Variants in ANKS1B observed in about 807,000 individuals in gnomAD.
ANKS1B encodes ankyrin repeat and sterile alpha motif domain-containing protein 1B.
In ANKS1B, 36 loss-of-function variants were observed where a neutral mutation model predicts 148.3. That is an observed-to-expected ratio of 0.24 (90% CI 0.19 to 0.32). The LOEUF (loss-of-function observed/expected upper bound fraction) is 0.32. Among genes scored for constraint, ANKS1B ranks in the 10% least tolerant of loss-of-function variants. The pLI is 1.00. For synonymous variants in ANKS1B, 542 were observed against 560.8 expected (o/e 0.97, Z 0.47); for missense variants, 1,157 against 1,542.6 (o/e 0.75, Z 4.19).
chr12:99,782,715 T>C (rs1283892548), intron 4 of ANKS1B, among the ~76,000 whole-genome samples: 1 of 152,226 alleles, frequency 6.6e-6, no homozygotes, highest in Non-Finnish European at 1.5e-5. Context: ...CATGCATTTA[T>C]TAAACACCAA....
At chr12:99,500,074 G>A (rs1477919293) in intron 10 of ANKS1B, among the ~76,000 whole-genome samples, 2 of 152,130 alleles carry the variant, frequency 1.3e-5, no homozygotes, top group African/African-American at 2.4e-5. Context: ...ACTGTAAGCT[G>A]AAAGAAAGTT....
At chr12:99,218,712 C>A (rs1430607789) in intron 14 of ANKS1B, among the ~76,000 whole-genome samples, 1 of 152,188 alleles carries the variant, frequency 6.6e-6, no homozygotes, top group Non-Finnish European at 1.5e-5. Flanking sequence ...CACTTTCCCT[C>A]CATTTCATGG....
At chr12:98,863,522 T>C (rs970671058) in intron 17 of ANKS1B, among the ~76,000 whole-genome samples, 3 of 152,236 alleles carry the variant, frequency 2.0e-5, no homozygotes, top group Non-Finnish European at 4.4e-5. Flanking sequence ...AATTGCTTTA[T>C]GGGGTGCATG....
intron 12 of ANKS1B, among the ~76,000 whole-genome samples, chr12:99,326,364 C>T (rs1020861447): frequency 1.3e-5 from 2 of 151,970 alleles, no homozygotes; most frequent in Non-Finnish European, 2.9e-5. Flanking sequence ...AGAAAAATGC[C>T]CAGAAGCTTC....
intron 15 of ANKS1B, among the ~76,000 whole-genome samples, chr12:99,127,283 T>A (rs1025242790): frequency 6.6e-6 from 1 of 152,156 alleles, no homozygotes; most frequent in Non-Finnish European, 1.5e-5. Context: ...ACTCTCAAAG[T>A]AGTCCTCCGT....
chr12:99,305,430 A>G (rs952580923), intron 12 of ANKS1B, among the ~76,000 whole-genome samples: 1 of 152,176 alleles, frequency 6.6e-6, no homozygotes, highest in Non-Finnish European at 1.5e-5. Flanking sequence ...GGACAGTAGA[A>G]CAATCTCAAA....
At chr12:99,280,316 A>C (rs1602362642) in intron 12 of ANKS1B, among the ~76,000 whole-genome samples, 1 of 152,196 alleles carries the variant, frequency 6.6e-6, no homozygotes, top group Non-Finnish European at 1.5e-5. Context: ...AGGGCCTGCC[A>C]GTGCTCACCA....
At chr12:99,051,103 GTC>G (rs2099965757) in intron 17 of ANKS1B, among the ~76,000 whole-genome samples, 2 of 152,122 alleles carry the variant, frequency 1.3e-5, no homozygotes, top group Non-Finnish European at 2.9e-5. Flanking sequence ...GATCCCCATA[GTC>G]ACTGCAGCTG....
chr12:98,858,024 C>CT, intron 17 of ANKS1B, among the ~76,000 whole-genome samples: 1 of 152,244 alleles, frequency 6.6e-6, no homozygotes, highest in East Asian at 1.9e-4. Flanking sequence ...TATAGTTATA[C>CT]TTTTAGTTTT....
chr12:99,480,438 A>T (rs993923898), intron 10 of ANKS1B, among the ~76,000 whole-genome samples: 14 of 151,914 alleles, frequency 9.2e-5, no homozygotes, highest in African/African-American at 3.4e-4. Context: ...GATCTAATAT[A>T]ACAGGAATAC....
intron 12 of ANKS1B, among the ~76,000 whole-genome samples, chr12:99,337,598 T>C (rs7315216): frequency 0.072 from 11,013 of 152,204 alleles, 904 homozygotes; most frequent in African/African-American, 0.2. Context: ...GTATTTATTG[T>C]AGTTTTCTCA....
At chr12:98,997,362 A>G (rs1444773998) in intron 17 of ANKS1B, among the ~76,000 whole-genome samples, 1 of 152,044 alleles carries the variant, frequency 6.6e-6, no homozygotes, top group Non-Finnish European at 1.5e-5. Context: ...TTTGTCATTA[A>G]AAAACTAAAT....
intron 4 of ANKS1B, among the ~76,000 whole-genome samples, chr12:99,792,865 G>C (rs1410521444): frequency 6.6e-6 from 1 of 151,890 alleles, no homozygotes; most frequent in Non-Finnish European, 1.5e-5. Flanking sequence ...ACAAGAGAAA[G>C]ACATAAAGGG....
intron 1 of ANKS1B, among the ~76,000 whole-genome samples, chr12:99,877,113 A>T (rs1220897860): frequency 6.6e-6 from 1 of 152,136 alleles, no homozygotes; most frequent in African/African-American, 2.4e-5. Context: ...CCAGTCCCCA[A>T]TATGGTTGAA....
chr12:99,807,936 A>G (rs1185982051), intron 3 of ANKS1B, among the ~76,000 whole-genome samples: 1 of 152,152 alleles, frequency 6.6e-6, no homozygotes, highest in Non-Finnish European at 1.5e-5. Context: ...TCCAAAATTT[A>G]TATTAAAATT....
chr12:99,929,337 T>C (rs1306616521), intron 1 of ANKS1B, among the ~76,000 whole-genome samples: 2 of 152,200 alleles, frequency 1.3e-5, no homozygotes, highest in East Asian at 3.8e-4. Flanking sequence ...CACTTGTTGA[T>C]GGGGTGGTTT....
intron 17 of ANKS1B, among the ~76,000 whole-genome samples, chr12:98,933,238 G>A (rs2099815312): frequency 6.6e-6 from 1 of 152,174 alleles, no homozygotes; most frequent in Non-Finnish European, 1.5e-5. Flanking sequence ...GCATTATGTA[G>A]TATTTGAATT....
chr12:99,034,348 G>A (rs764821215), intron 17 of ANKS1B, among the ~76,000 whole-genome samples: 7 of 152,000 alleles, frequency 4.6e-5, no homozygotes, highest in Non-Finnish European at 8.8e-5. Context: ...CATGGTCTTG[G>A]TCTGTCACCC....
chr12:99,544,940 G>A (rs1243006600), intron 9 of ANKS1B, among the ~76,000 whole-genome samples: 2 of 152,042 alleles, frequency 1.3e-5, no homozygotes, highest in Admixed American at 6.6e-5. Flanking sequence ...CTAATTATTG[G>A]ATTATTCTTA....
Sources: gnomAD v4.1 joint callset for allele counts (sites outside exome capture counted in the v4.1 genomes callset) on GRCh38, gnomAD v4.1.1 for gene constraint, MANE v1.5 for transcripts, NCBI Gene and HGNC (gene_info 2026-07-23, HGNC 2026-07-21) for gene names.